Variants in TRIM54 observed in about 807,000 individuals in gnomAD.
TRIM54 encodes the protein tripartite motif-containing protein 54.
TRIM54 carries 40 observed loss-of-function variants against 42.0 expected under a neutral mutation model. That is an observed-to-expected ratio of 0.95 (90% confidence interval 0.74 to 1.24). TRIM54 has a LOEUF of 1.24. TRIM54 is among the 50% of genes most tolerant of loss of function. The pLI is 0.00. For missense variants in TRIM54, 485 were observed against 480.3 expected (o/e 1.01, Z -0.09); for synonymous variants, 199 against 194.9 (o/e 1.02, Z -0.17).
intron 3 of TRIM54, among the ~76,000 whole-genome samples, chr2:27,300,662 G>T (rs1371627957): frequency 8.1e-6 from 1 of 123,018 alleles, no homozygotes; most frequent in Non-Finnish European, 1.7e-5. Context: ...TTGAGTCCAG[G>T]AATTTGAGAC....
At chr2:27,293,571 C>T (rs898850596) in intron 1 of TRIM54, among the ~76,000 whole-genome samples, 3 of 152,130 alleles carry the variant, frequency 2.0e-5, no homozygotes, top group African/African-American at 7.2e-5. Flanking sequence ...CCATGGCACA[C>T]AGGGTTTTAA....
rs112941349 is a variant in TRIM54 at position 27,295,394 on chromosome 2, C to T, written c.169-3173C>T. 4.1e-3 allele frequency among the ~76,000 whole-genome samples: 618 copies of T among 152,238 alleles called. 5 individuals are homozygous for T. Among genetic ancestry groups the T allele is most frequent in the African/African-American group, 0.014 (581 of 41,528 alleles). On this transcript the variant is annotated intron_variant, in intron 1 of 8. Coordinates refer to ENST00000380075, the MANE Select transcript of TRIM54 (RefSeq NM_187841.3). ...TGATCTTGGCTCACTGCAGCCTCCA[C>T]CTCCCGGGTTCAAGCAATTCTCTTG...
In TRIM54 at chr2:27,305,725, C is replaced by A. The variant is rs200868576; in HGVS notation, c.751C>A (p.Arg251Ser). ...EKLQRVRGLI[R>S]QYGDHLEASS... The stretch of plus-strand genomic sequence containing the variant: ...GCTGCAGCGCGTCCGCGGCCTCATC[C>A]GTCAGTATGGCGACCACCTGGAGGC... The change falls in exon 5 of 9, where the codon CGT becomes AGT. Residue 251 changes from arginine (R) to serine (S), a missense_variant. Coordinates refer to ENST00000380075, the MANE Select transcript of TRIM54 (RefSeq NM_187841.3). 4.6e-5 allele frequency: 74 copies of A among 1,611,062 alleles called. No homozygotes were observed. The highest frequency in any genetic ancestry group is 1.2e-4 in the Admixed American group (7 of 59,746).
chr2:27,283,784 G>GCGCGCGCGCGCACACACACA (rs367621533), intron 1 of TRIM54, among the ~76,000 whole-genome samples: 1 of 132,168 alleles, frequency 7.6e-6, no homozygotes, highest in Admixed American at 7.6e-5. Context: ...ACACACGCGC[G>GCGCGCGCGCGCACACACACA]CACACACACA....
At chr2:27,292,878 T>G (rs945373886) in intron 1 of TRIM54, among the ~76,000 whole-genome samples, 1 of 152,254 alleles carries the variant, frequency 6.6e-6, no homozygotes, top group African/African-American at 2.4e-5. Context: ...CCTGGTTACT[T>G]TTAGCTGATA....
chr2:27,284,818 G>A (rs1420946362), intron 1 of TRIM54, among the ~76,000 whole-genome samples: 1 of 152,212 alleles, frequency 6.6e-6, no homozygotes, highest in African/African-American at 2.4e-5. Context: ...AAAGTGGTCA[G>A]AAGGGCCAAG....
intron 1 of TRIM54, among the ~76,000 whole-genome samples, chr2:27,283,751 G>A (rs1678453382): frequency 7.5e-6 from 1 of 133,352 alleles, no homozygotes; most frequent in Non-Finnish European, 1.6e-5. Context: ...ATCAGGGAGA[G>A]TGAGGGGCAA....
At chr2:27,290,492 C>T (rs1678691269) in intron 1 of TRIM54, among the ~76,000 whole-genome samples, 1 of 152,018 alleles carries the variant, frequency 6.6e-6, no homozygotes, top group South Asian at 2.1e-4. Flanking sequence ...ACGGTGAAAC[C>T]CCGTCTCTAC....
chr2:27,299,754 G>GA lies in TRIM54; in HGVS notation c.513+338_513+339insA. On this transcript the variant is annotated intron_variant, in intron 3 of 8. Transcript: ENST00000380075. ...GGAGTCTCGCTCTGTCGCCCAGGCT[G>GA]GAGTGCAGTGGTGCAGTCTTGGCTC... 5.0e-6 allele frequency: 3 copies of GA among 599,708 alleles called. No homozygotes were observed. In the South Asian group the frequency reaches 6.2e-5, roughly 12 times the overall value. 37.1% of individuals were successfully genotyped at this position (599,708 alleles called of 1,614,324 possible).
At chr2:27,299,463 G>C in intron 3 of TRIM54, 47 bp downstream of exon 3, 1 of 1,598,850 alleles carries the variant, frequency 6.3e-7, no homozygotes, top group Non-Finnish European at 8.5e-7. Flanking sequence ...GGGGGCTTAG[G>C]ACAGGGTCTC....
chr2:27,290,908 C>T (rs1209773633), intron 1 of TRIM54, among the ~76,000 whole-genome samples: 1 of 152,152 alleles, frequency 6.6e-6, no homozygotes, highest in East Asian at 1.9e-4. Context: ...AGTAGCCACT[C>T]AACATTTGCA....
chr2:27,306,389 G>T lies in TRIM54; in HGVS notation c.991+52G>T. On this transcript the variant is annotated intron_variant, in intron 7 of 8. Coordinates refer to ENST00000380075, the MANE Select transcript of TRIM54 (RefSeq NM_187841.3). This position sits in a 1 kb window ranked among gnomAD's most constrained non-coding sequence, Gnocchi z 6.1. The stretch of plus-strand genomic sequence containing the variant: ...AGACGGGTTCGGACCCTCTGTGTGG[G>T]GGGTGCGGCGGGCACGATGGCCGTA... The T allele has an allele frequency of 6.2e-7, 1 of 1,613,442 alleles. No homozygotes were observed. Among genetic ancestry groups the T allele is most frequent in the South Asian group, 1.1e-5 (1 of 91,040 alleles).
intron 1 of TRIM54, among the ~76,000 whole-genome samples, chr2:27,296,040 T>G (rs1198331059): frequency 1.3e-5 from 2 of 152,220 alleles, no homozygotes; most frequent in African/African-American, 4.8e-5. Context: ...AAGGTTAACA[T>G]GATTCTCAAG....
Position 27,299,399 on chromosome 2 carries a change from A to G in TRIM54, c.496A>G (p.Ile166Val), listed in dbSNP as rs147280617. The change falls in exon 3 of 9, where the codon ATT becomes GTT. Residue 166 changes from isoleucine to valine, a missense_variant. Coordinates refer to ENST00000380075, the MANE Select transcript of TRIM54 (RefSeq NM_187841.3). The part of the protein sequence containing the change: ...KDCEVAPLPT[I>V]YKRQKSELSD... Reference sequence around the variant, plus strand: ...CTGTGAGGTGGCCCCACTGCCCACCATTTACAAACGCCAGAAGGTATCAAA... The same window carrying G: ...CTGTGAGGTGGCCCCACTGCCCACCGTTTACAAACGCCAGAAGGTATCAAA... The G allele has an allele frequency of 9.0e-5, 146 of 1,613,866 alleles. 1 individual carries two copies. The highest frequency in any genetic ancestry group is 1.1e-4 in the Non-Finnish European group (134 of 1,179,998).
At chr2:27,294,091 G>C (rs140742544) in intron 1 of TRIM54, among the ~76,000 whole-genome samples, 2 of 152,156 alleles carry the variant, frequency 1.3e-5, no homozygotes, top group East Asian at 3.9e-4. Context: ...GAGACTCAGA[G>C]AAATGAATAT....
intron 3 of TRIM54, chr2:27,304,705 G>A: frequency 4.7e-6 from 2 of 425,222 alleles, no homozygotes; most frequent in South Asian, 5.8e-5. Context: ...CCCAGTGTCT[G>A]GTATCTGGTG....
In TRIM54 at chr2:27,307,258, A is replaced by C. The variant is rs1395260429; in HGVS notation, c.*373A>C. The C allele has an allele frequency of 3.6e-6, 2 of 561,340 alleles. No homozygotes were observed. The highest frequency in any genetic ancestry group is 2.0e-5 in the South Asian group (1 of 48,972). 34.8% of individuals were successfully genotyped at this position (561,340 alleles called of 1,614,324 possible). On this transcript the variant is annotated 3_prime_UTR_variant, in exon 9 of 9. Coordinates refer to ENST00000380075, the MANE Select transcript of TRIM54 (RefSeq NM_187841.3). This position sits in a 1 kb window ranked among gnomAD's most constrained non-coding sequence, Gnocchi z 6.9. ...GGATTTGGGGACCCTTGGGGTCCAC[A>C]TGCACCTGGCTGACCTGGCTGAAAG... is the stretch of plus-strand genomic sequence containing the variant.
chr2:27,299,167 T>C, intron 2 of TRIM54, 78 bp from the exon 3 acceptor site: 2 of 1,532,112 alleles, frequency 1.3e-6, no homozygotes, highest in Non-Finnish European at 1.8e-6. Flanking sequence ...GTGGTGGCAG[T>C]TGGTGGAGGC....
rs186093826 is a variant in TRIM54, at chr2:27,289,915, A to G, written c.168+7016A>G. 0.02 allele frequency among the ~76,000 whole-genome samples: 2,474 copies of G among 124,914 alleles called. 233 individuals carry two copies. The Admixed American group carries it at 0.21, about 11-fold the overall frequency. The allele number at this position is 124,914 out of a possible 152,430, so 81.9% of individuals were successfully genotyped here. A position where few individuals can be genotyped will look rare whatever the true frequency, so the allele number is the denominator to read the frequency against. ...GAGACAGAGTCTCGCTCAGTAGCCC[A>G]GGCTGGAGTGCGGTGGCTTGATTTC... is the stretch of plus-strand genomic sequence containing the variant. On this transcript the variant is annotated intron_variant, in intron 1 of 8. Coordinates refer to ENST00000380075, the MANE Select transcript of TRIM54 (RefSeq NM_187841.3).
Sources: allele counts gnomAD v4.1 joint callset (sites outside exome capture counted in the v4.1 genomes callset), GRCh38; gene constraint gnomAD v4.1.1; non-coding constraint Gnocchi (gnomAD v3.1); transcripts MANE v1.5; gene names NCBI Gene and HGNC (gene_info 2026-07-23, HGNC 2026-07-21).